FAF2: variants seen among roughly 807,000 people sequenced by gnomAD.
FAF2 encodes FAS-associated factor 2.
FAF2 carries 9 observed loss-of-function variants against 62.3 expected under a neutral mutation model. The observed-to-expected ratio is 0.14, with a 90% CI of 0.09 to 0.25. The LOEUF is 0.25. Ranked by LOEUF, FAF2 falls within the 10% of genes least tolerant of loss-of-function variation. FAF2 has a pLI of 1.00. For missense variants in FAF2, 368 were observed against 556.2 expected (o/e 0.66, Z 3.40); for synonymous variants, 202 against 198.0 (o/e 1.02, Z -0.17).
In FAF2 at chr5:176,496,366, TAC is replaced by T. The variant is rs1234707131; in HGVS notation, c.662-119_662-118del. On this transcript the variant is annotated intron_variant, in intron 7 of 10. Coordinates refer to ENST00000261942, the MANE Select transcript of FAF2 (RefSeq NM_014613.3). Reference sequence around the variant, plus strand: ...CGGGGAAAAAGCGGAGACTAAATGATACCTCTCGTCTTCCCCAACCAGGATTA... The same window carrying T: ...CGGGGAAAAAGCGGAGACTAAATGATCTCTCGTCTTCCCCAACCAGGATTA... 2.5e-5 allele frequency: 18 copies of T among 726,884 alleles called. No homozygotes were observed. In the African/African-American group the frequency reaches 3.1e-4, roughly 12 times the overall value. The allele number at this position is 726,884 out of a possible 1,614,324, so 45.0% of individuals were successfully genotyped here.
At chr5:176,500,261 C>T in intron 10 of FAF2, 115 bp downstream of exon 10, 2 of 895,172 alleles carry the variant, frequency 2.2e-6, no homozygotes, top group East Asian at 5.1e-5. Flanking sequence ...GAACAGGGAA[C>T]AGAGAGAGAG....
chr5:176,463,117 G>T (rs1758406482), intron 1 of FAF2, among the ~76,000 whole-genome samples: 2 of 152,152 alleles, frequency 1.3e-5, no homozygotes, highest in African/African-American at 2.4e-5. Context: ...TAGGGGCCAG[G>T]CCTGGTGGCT....
At chr5:176,484,854 T>C (rs1758846504) in intron 2 of FAF2, among the ~76,000 whole-genome samples, 1 of 147,468 alleles carries the variant, frequency 6.8e-6, no homozygotes, top group Non-Finnish European at 1.5e-5. Flanking sequence ...ATCATGCCAC[T>C]GCACTCCAGC....
At position 176,500,757 on chromosome 5, in the gene FAF2, C is replaced by T. The variant is rs62402537; in HGVS notation, c.1155+611C>T. 6.5e-3 allele frequency among the ~76,000 whole-genome samples: 989 copies of T among 152,092 alleles called. 10 individuals are homozygous for T. Among genetic ancestry groups the T allele is most frequent in the Non-Finnish European group, 7.9e-3 (538 of 68,004 alleles). ...CATGAGGATCAAATTTTCATTCTTC[C>T]AGGGTTACTAGATGTGTTTCCTTAG... On this transcript the variant is annotated intron_variant, in intron 10 of 10. Coordinates refer to ENST00000261942, the MANE Select transcript of FAF2 (RefSeq NM_014613.3).
rs1447465939 is a variant in FAF2 at position 176,509,260 on chromosome 5, C to T, written c.*2310C>T. The stretch of plus-strand genomic sequence containing the variant: ...TGCCTAGGTGCCATTTCCTTTCCTC[C>T]TCAGTCAAATACAGGCTGCACATTT... On this transcript the variant is annotated 3_prime_UTR_variant, in exon 11 of 11. Coordinates refer to ENST00000261942, the MANE Select transcript of FAF2 (RefSeq NM_014613.3). The T allele has an allele frequency of 3.9e-5, 6 of 152,198 alleles. No homozygotes were observed. The highest frequency in any genetic ancestry group is 1.5e-5 in the Non-Finnish European group (1 of 68,076). The allele number at this position is 152,198 out of a possible 1,614,324, so 9.4% of individuals were successfully genotyped here.
chr5:176,492,583 C>A (rs1450582814), intron 5 of FAF2, among the ~76,000 whole-genome samples: 1 of 152,156 alleles, frequency 6.6e-6, no homozygotes, highest in Admixed American at 6.6e-5. Context: ...CTGACTCATT[C>A]CCTGAACATA....
At chr5:176,469,185 C>T (rs1758518619) in intron 1 of FAF2, among the ~76,000 whole-genome samples, 1 of 151,910 alleles carries the variant, frequency 6.6e-6, no homozygotes, top group Non-Finnish European at 1.5e-5. Context: ...GCAGAGGTTG[C>T]AGTGGGCCGA....
chr5:176,488,864 A>G, intron 3 of FAF2, 87 bp from the exon 4 acceptor site: 1 of 1,091,176 alleles, frequency 9.2e-7, no homozygotes, highest in Non-Finnish European at 1.4e-6. Flanking sequence ...TGGAAGGACC[A>G]AAAAGAGTGA....
At chr5:176,506,192 CAAA>C (rs1166725144) in intron 10 of FAF2, among the ~76,000 whole-genome samples, 1 of 64,796 alleles carries the variant, frequency 1.5e-5, no homozygotes, top group African/African-American at 6.9e-5. Context: ...GAGACTCTCT[CAAA>C]AAAAAAAAAA....
At chr5:176,460,937 CAG>C (rs1414580045) in intron 1 of FAF2, among the ~76,000 whole-genome samples, 1 of 151,992 alleles carries the variant, frequency 6.6e-6, no homozygotes, top group Non-Finnish European at 1.5e-5. Context: ...ACCTGGGTGA[CAG>C]AGTAAGACCC....
At chr5:176,454,573 G>T (rs1200742377) in intron 1 of FAF2, among the ~76,000 whole-genome samples, 2 of 83,816 alleles carry the variant, frequency 2.4e-5, no homozygotes, top group East Asian at 3.7e-4. Context: ...GCCAGATTCT[G>T]TCTGAAAAAA....
intron 1 of FAF2, among the ~76,000 whole-genome samples, chr5:176,476,154 G>A (rs960559208): frequency 6.6e-6 from 1 of 152,120 alleles, no homozygotes; most frequent in African/African-American, 2.4e-5. Context: ...CAGCTGCTCG[G>A]AGGCTGAGAT....
chr5:176,461,312 C>CA (rs745969741), intron 1 of FAF2, among the ~76,000 whole-genome samples: 1 of 70,732 alleles, frequency 1.4e-5, no homozygotes, highest in Non-Finnish European at 2.4e-5. Flanking sequence ...CTGTGCCCAG[C>CA]TTTTTTTTTT....
At chr5:176,475,699 C>T (rs149295778) in intron 1 of FAF2, among the ~76,000 whole-genome samples, 2,150 of 151,524 alleles carry the variant, frequency 0.014, 42 homozygotes, top group African/African-American at 0.049. Flanking sequence ...ACCCAGGAGG[C>T]GCAGGTTGCA....
intron 1 of FAF2, among the ~76,000 whole-genome samples, chr5:176,450,336 G>A (rs1581464904): frequency 6.6e-6 from 1 of 152,114 alleles, no homozygotes; most frequent in Admixed American, 6.6e-5. Context: ...ACACTTCCAG[G>A]TAGACCACCA....
intron 1 of FAF2, among the ~76,000 whole-genome samples, chr5:176,464,697 G>A (rs1758434780): frequency 6.6e-6 from 1 of 150,754 alleles, no homozygotes; most frequent in South Asian, 2.1e-4. Context: ...TCACTGTGTT[G>A]CCAGGCTGCC....
Position 176,488,868 on chromosome 5 carries a change from A to T in FAF2, c.268-83A>T, listed in dbSNP as rs574015112. 49 of 1,113,226 alleles carry T rather than the reference A, an allele frequency of 4.4e-5. No individual in the cohort carries two copies. In the East Asian group the frequency reaches 9.0e-4, roughly 20 times the overall value. 69.0% of individuals were successfully genotyped at this position (1,113,226 alleles called of 1,614,324 possible). On this transcript the variant is annotated intron_variant, in intron 3 of 10. Coordinates refer to ENST00000261942, the MANE Select transcript of FAF2 (RefSeq NM_014613.3). ...AACAAATCACATGGAAGGACCAAAA[A>T]GAGTGAGAAAATCTGACCTAGCCAT...
At chr5:176,483,442 A>G (rs138361597) in intron 2 of FAF2, among the ~76,000 whole-genome samples, 13 of 152,284 alleles carry the variant, frequency 8.5e-5, no homozygotes, top group East Asian at 3.9e-4. Flanking sequence ...ATTTTTATGT[A>G]TAGTGTGATC....
At chr5:176,457,259 G>T (rs962589375) in intron 1 of FAF2, among the ~76,000 whole-genome samples, 3 of 152,108 alleles carry the variant, frequency 2.0e-5, no homozygotes, top group African/African-American at 7.2e-5. Context: ...CTCAACCTTG[G>T]CTCACTACAA....
Sources: allele counts gnomAD v4.1 joint callset (sites outside exome capture counted in the v4.1 genomes callset), GRCh38; gene constraint gnomAD v4.1.1; transcripts MANE v1.5; gene names NCBI Gene and HGNC (gene_info 2026-07-23, HGNC 2026-07-21).